The following FGF14 variants were observed in gnomAD, a reference collection of about 807,000 sequenced individuals.
FGF14 encodes fibroblast growth factor homologous factor 4.
Under a neutral mutation model 25.5 loss-of-function variants are expected in FGF14, and 5 were observed. That is an observed-to-expected ratio of 0.20 (90% CI 0.10 to 0.41). The LOEUF (loss-of-function observed/expected upper bound fraction) is 0.41, where lower values mean the gene tolerates loss of function less well. FGF14 is among the 10% of genes least tolerant of loss of function. The pLI, the probability that FGF14 is intolerant of heterozygous loss-of-function variation, is 1.00. For synonymous variants in FGF14, 138 were observed against 118.3 expected, an observed-to-expected ratio of 1.17 and a Z score of -1.08; for missense variants, 222 against 320.1, an observed-to-expected ratio of 0.69 and a Z score of 2.34.
intron 1 of FGF14, among the ~76,000 whole-genome samples, chr13:102,136,661 G>A (rs9513986): frequency 0.66 from 94,160 of 142,838 alleles, 30,296 homozygotes; most frequent in East Asian, 0.9. Context: ...AATTCTATGG[G>A]AAAAAAAAAA....
At chr13:102,059,473 C>T (rs533128833) in intron 1 of FGF14, among the ~76,000 whole-genome samples, 1 of 152,184 alleles carries the variant, frequency 6.6e-6, no homozygotes, top group African/African-American at 2.4e-5. Context: ...CAACACAGAG[C>T]ACTCAAAAAT....
At chr13:102,042,787 G>C (rs2041805038) in intron 1 of FGF14, among the ~76,000 whole-genome samples, 1 of 152,206 alleles carries the variant, frequency 6.6e-6, no homozygotes, top group Non-Finnish European at 1.5e-5. Context: ...TAGTGAGTGA[G>C]TCAATTTTAT....
chr13:102,222,815 C>G (rs1414733889), intron 1 of FGF14, among the ~76,000 whole-genome samples: 1 of 152,116 alleles, frequency 6.6e-6, no homozygotes, highest in Non-Finnish European at 1.5e-5. Flanking sequence ...TCTCGAAATA[C>G]AGCATCAGAA....
intron 1 of FGF14, among the ~76,000 whole-genome samples, chr13:101,996,035 T>A (rs1265363951): frequency 6.6e-6 from 1 of 152,146 alleles, no homozygotes; most frequent in East Asian, 1.9e-4. Flanking sequence ...AAAGGATAAA[T>A]GCTTGAGGGG....
chr13:102,013,031 T>A (rs1004143882), intron 1 of FGF14, among the ~76,000 whole-genome samples: 49 of 152,096 alleles, frequency 3.2e-4, no homozygotes, highest in Non-Finnish European at 1.3e-4. Flanking sequence ...CACAGAATCA[T>A]GTAGTCCCAG....
intron 1 of FGF14, among the ~76,000 whole-genome samples, chr13:101,879,084 T>C (rs183918055): frequency 6.6e-6 from 1 of 152,290 alleles, no homozygotes; most frequent in Admixed American, 6.5e-5. Context: ...AAAATACTTT[T>C]TAACTCATAA....
chr13:101,992,130 A>G (rs1259961284), intron 1 of FGF14, among the ~76,000 whole-genome samples: 2 of 152,130 alleles, frequency 1.3e-5, no homozygotes, highest in Admixed American at 6.6e-5. Flanking sequence ...CACTCCTTCT[A>G]CACCTCACCA....
chr13:102,260,077 G>A lies in FGF14; in HGVS notation c.208+141394C>T, dbSNP rs149366014. 7.2e-5 allele frequency among the ~76,000 whole-genome samples: 11 copies of A among 152,186 alleles called. No homozygotes were observed. In the East Asian group the frequency reaches 2.1e-3, roughly 29 times the overall value. ...TCTTCAGGCAAGAAAGAGCGGGGAG[G>A]AGGAGGAGTCAGAGAACAAGAAAAA... On this transcript the variant is annotated intron_variant, in intron 1 of 4. Transcript: ENST00000376131.
intron 1 of FGF14, among the ~76,000 whole-genome samples, chr13:102,232,459 A>G (rs2051129019): frequency 6.6e-6 from 1 of 152,222 alleles, no homozygotes; most frequent in African/African-American, 2.4e-5. Context: ...ATTTATTGCT[A>G]ATAAAACTAC....
chr13:102,324,921 GT>G (rs540623295), intron 1 of FGF14, among the ~76,000 whole-genome samples: 292 of 150,104 alleles, frequency 1.9e-3, no homozygotes, highest in Non-Finnish European at 2.8e-3. Context: ...ATTGATATTT[GT>G]TTTTTTTTGA....
chr13:102,009,879 C>T (rs189272159), intron 1 of FGF14, among the ~76,000 whole-genome samples: 5 of 152,232 alleles, frequency 3.3e-5, no homozygotes, highest in African/African-American at 1.2e-4. Flanking sequence ...ATTAGTGAAG[C>T]CTTCCAAAGC....
chr13:101,838,900 C>A (rs186539067), intron 3 of FGF14, among the ~76,000 whole-genome samples: 1 of 152,044 alleles, frequency 6.6e-6, no homozygotes, highest in Non-Finnish European at 1.5e-5. Flanking sequence ...TTTTCAGACA[C>A]GTTTTTGTCT....
intron 1 of FGF14, among the ~76,000 whole-genome samples, chr13:102,071,428 TCAATTTGCCTC>T (rs1354681086): frequency 6.6e-6 from 1 of 152,210 alleles, no homozygotes; most frequent in African/African-American, 2.4e-5. Context: ...ATGACAGTCA[TCAATTTGCCTC>T]CAATTTGCTT....
intron 1 of FGF14, among the ~76,000 whole-genome samples, chr13:102,029,589 C>T (rs187618521): frequency 2.0e-5 from 3 of 152,062 alleles, no homozygotes; most frequent in Non-Finnish European, 2.9e-5. Flanking sequence ...ATTACAGCTC[C>T]TCCAGGCTAT....
At chr13:101,807,991 G>A (rs1322701) in intron 3 of FGF14, among the ~76,000 whole-genome samples, 133,467 of 151,994 alleles carry the variant, frequency 0.88, 58,836 homozygotes, top group Non-Finnish European at 0.92. Flanking sequence ...GGATAATGCA[G>A]TGGTTGAAAG....
chr13:102,209,881 A>G (rs1192293005), intron 1 of FGF14, among the ~76,000 whole-genome samples: 4 of 152,176 alleles, frequency 2.6e-5, no homozygotes, highest in Admixed American at 6.5e-5. Flanking sequence ...AGACAAATAT[A>G]TCTTTTTCTC....
chr13:101,850,085 C>A (rs558322279), intron 3 of FGF14, among the ~76,000 whole-genome samples: 1 of 151,688 alleles, frequency 6.6e-6, no homozygotes, highest in East Asian at 2.0e-4. Context: ...GTCAAATAAT[C>A]CATTATCCAA....
intron 3 of FGF14, among the ~76,000 whole-genome samples, chr13:101,735,079 C>G (rs938763962): frequency 1.3e-5 from 2 of 152,124 alleles, no homozygotes; most frequent in African/African-American, 4.8e-5. Context: ...GGGCTACTCT[C>G]GCTGGAGGAG....
intron 1 of FGF14, among the ~76,000 whole-genome samples, chr13:102,142,405 T>C (rs2046680212): frequency 6.6e-6 from 1 of 151,122 alleles, no homozygotes; most frequent in Non-Finnish European, 1.5e-5. Context: ...AAAAAAAAAA[T>C]GGAAAAGGAA....
Sources: allele counts gnomAD v4.1 joint callset (sites outside exome capture counted in the v4.1 genomes callset), GRCh38; gene constraint gnomAD v4.1.1; transcripts MANE v1.5; gene names NCBI Gene and HGNC (gene_info 2026-07-23, HGNC 2026-07-21).